The following LOC128092252 variants were observed in gnomAD, a reference collection of about 807,000 sequenced individuals.
chr15:50,672,366 AT>A, the LOC128092252 span, among the ~76,000 whole-genome samples: 113 of 145,078 alleles, frequency 7.8e-4, no homozygotes, highest in Middle Eastern at 3.6e-3. Context: ...ACTCCTACCT[AT>A]TTTTTTTTTT....
chr15:50,680,017 T>C, the LOC128092252 span, among the ~76,000 whole-genome samples: 1 of 151,958 alleles, frequency 6.6e-6, no homozygotes, highest in South Asian at 2.1e-4. Context: ...GTGGATCACT[T>C]GAGGTCAGGA....
chr15:50,679,652 C>A, the LOC128092252 span, among the ~76,000 whole-genome samples: 3 of 150,172 alleles, frequency 2.0e-5, no homozygotes, highest in African/African-American at 7.4e-5. Flanking sequence ...TCTCATGCCC[C>A]AGTCTCACAA....
chr15:50,661,629 A>T, the LOC128092252 span, among the ~76,000 whole-genome samples: 1 of 152,316 alleles, frequency 6.6e-6, no homozygotes, highest in East Asian at 1.9e-4. Flanking sequence ...ATAAACAAGA[A>T]TAGTGACATA....
the LOC128092252 span, among the ~76,000 whole-genome samples, chr15:50,679,686 C>T: frequency 1.5e-4 from 23 of 150,756 alleles, no homozygotes; most frequent in Non-Finnish European, 3.2e-4. Flanking sequence ...CAGGCGCACA[C>T]CATCACGTCC....
the LOC128092252 span, among the ~76,000 whole-genome samples, chr15:50,650,135 G>A: frequency 5.1e-5 from 7 of 138,056 alleles, no homozygotes; most frequent in African/African-American, 1.1e-4. Flanking sequence ...GCAGACCACA[G>A]TGAGCAGAGA....
chr15:50,674,819 TTTG>T, the LOC128092252 span, among the ~76,000 whole-genome samples: 1 of 152,144 alleles, frequency 6.6e-6, no homozygotes, highest in African/African-American at 2.4e-5. Context: ...TGGGTTTGTT[TTTG>T]TTTTTTTGTT....
At chr15:50,655,071 A>AGAGG in the LOC128092252 span, among the ~76,000 whole-genome samples, 3 of 140,730 alleles carry the variant, frequency 2.1e-5, no homozygotes, top group Admixed American at 7.2e-5. Context: ...TGTAGAAATA[A>AGAGG]GAGTGAACCT....
chr15:50,686,281 T>G, the LOC128092252 span, among the ~76,000 whole-genome samples: 2 of 152,190 alleles, frequency 1.3e-5, no homozygotes, highest in African/African-American at 4.8e-5. Flanking sequence ...AGGCCCTCGC[T>G]GGGAGCCGAG....
At chr15:50,684,302 A>G in the LOC128092252 span, among the ~76,000 whole-genome samples, 2 of 151,806 alleles carry the variant, frequency 1.3e-5, no homozygotes, top group Non-Finnish European at 2.9e-5. Context: ...ACCACGCCCG[A>G]TTACTGATCA....
At chr15:50,683,548 A>T in the LOC128092252 span, among the ~76,000 whole-genome samples, 1 of 152,168 alleles carries the variant, frequency 6.6e-6, no homozygotes, top group South Asian at 2.1e-4. Flanking sequence ...CAGCCTGGCC[A>T]ACATGGCAAA....
chr15:50,685,620 G>T, the LOC128092252 span, among the ~76,000 whole-genome samples: 399 of 152,334 alleles, frequency 2.6e-3, 1 homozygote, highest in African/African-American at 9.2e-3. Flanking sequence ...CCAGCAGAGG[G>T]AGAGTTGTTT....
At chr15:50,673,462 T>C in the LOC128092252 span, among the ~76,000 whole-genome samples, 1 of 152,230 alleles carries the variant, frequency 6.6e-6, no homozygotes, top group African/African-American at 2.4e-5. Context: ...CATTGTGTCA[T>C]TCTTATGCCT....
chr15:50,682,294 A>G, the LOC128092252 span, among the ~76,000 whole-genome samples: 8 of 152,076 alleles, frequency 5.3e-5, no homozygotes, highest in South Asian at 1.5e-3. Flanking sequence ...CAGGGTTCTA[A>G]AACCCCTACG....
the LOC128092252 span, among the ~76,000 whole-genome samples, chr15:50,669,792 A>T: frequency 6.6e-6 from 1 of 152,136 alleles, no homozygotes; most frequent in South Asian, 2.1e-4. Context: ...GGAAAAAAAA[A>T]AGGGATGGCT....
chr15:50,674,572 CA>C, the LOC128092252 span, among the ~76,000 whole-genome samples: 1 of 152,166 alleles, frequency 6.6e-6, no homozygotes, highest in Admixed American at 6.6e-5. Context: ...AAATGATTTG[CA>C]TACCACCATT....
the LOC128092252 span, among the ~76,000 whole-genome samples, chr15:50,677,755 A>AC: frequency 2.0e-5 from 3 of 149,326 alleles, no homozygotes; most frequent in Non-Finnish European, 3.0e-5. Context: ...AAAAAAAAAA[A>AC]AAAAACAAAA....
chr15:50,665,402 A>G, the LOC128092252 span, among the ~76,000 whole-genome samples: 1 of 152,056 alleles, frequency 6.6e-6, no homozygotes. Flanking sequence ...CTAAAAAAAA[A>G]AAAAAAAATT....
the LOC128092252 span, among the ~76,000 whole-genome samples, chr15:50,650,146 T>C: frequency 2.3e-5 from 3 of 132,720 alleles, no homozygotes; most frequent in Non-Finnish European, 4.6e-5. Context: ...TGAGCAGAGA[T>C]TGGGCCACTG....
At chr15:50,679,538 A>ATATATATTTTTTT in the LOC128092252 span, among the ~76,000 whole-genome samples, 1 of 43,904 alleles carries the variant, frequency 2.3e-5, no homozygotes, top group African/African-American at 1.1e-4. Context: ...ATATATATAT[A>ATATATATTTTTTT]TTTTTTTTTT....
Sources: allele counts gnomAD v4.1 joint callset (sites outside exome capture counted in the v4.1 genomes callset), GRCh38; gene constraint gnomAD v4.1.1; transcripts MANE v1.5.